KLHL29: variants seen among roughly 807,000 people sequenced by gnomAD.
The protein encoded by KLHL29 is kelch like family member 29, also known as kelch-like protein 29.
A neutral mutation model predicts 80.4 loss-of-function variants in KLHL29; 21 were observed. The observed-to-expected ratio is 0.26, with a 90% CI of 0.19 to 0.38. KLHL29 has a LOEUF of 0.38. KLHL29 is among the 10% of genes least tolerant of loss of function. The probability of loss-of-function intolerance (pLI) is 1.00; values close to 1 mark genes in which losing one functional copy is unlikely to be tolerated. For synonymous variants in KLHL29, 511 were observed against 526.8 expected (o/e 0.97, Z 0.41); for missense variants, 867 against 1,223.9 (o/e 0.71, Z 4.35).
intron 5 of KLHL29, among the ~76,000 whole-genome samples, chr2:23,656,656 C>T (rs558041953): frequency 1.3e-5 from 2 of 152,314 alleles, no homozygotes; most frequent in African/African-American, 4.8e-5. Flanking sequence ...GTCTGTGATG[C>T]CCGCTTAAGA....
intron 1 of KLHL29, among the ~76,000 whole-genome samples, chr2:23,407,936 A>G (rs542911536): frequency 1.3e-5 from 2 of 151,896 alleles, no homozygotes; most frequent in East Asian, 3.9e-4. Context: ...TTGTTTTGAG[A>G]CGGAGTTTCT....
intron 2 of KLHL29, among the ~76,000 whole-genome samples, chr2:23,519,000 G>A (rs889095791): frequency 6.6e-6 from 1 of 152,102 alleles, no homozygotes; most frequent in Non-Finnish European, 1.5e-5. Flanking sequence ...GCTGCTCTGT[G>A]GGCCTAGTGA....
chr2:23,659,707 G>T (rs1670351521), intron 5 of KLHL29, among the ~76,000 whole-genome samples: 1 of 152,060 alleles, frequency 6.6e-6, no homozygotes. Flanking sequence ...CAGGGCTAAA[G>T]AGCTCTGAGC....
chr2:23,437,126 G>A lies in KLHL29; in HGVS notation c.-153-38434G>A, dbSNP rs567548942. Among the ~76,000 whole-genome samples the A allele has an allele frequency of 2.6e-5, 4 of 152,308 alleles. No homozygotes were observed. In the South Asian group the frequency reaches 8.3e-4, roughly 32 times the overall value. On this transcript the variant is annotated intron_variant, in intron 1 of 13. Transcript: ENST00000486442. The stretch of plus-strand genomic sequence containing the variant: ...AGCCCGGGTTCAGCGGAATGTGTGG[G>A]CAAAGTGTACTAAGCAGGCCAAGTC...
At chr2:23,461,645 C>A (rs1350680280) in intron 1 of KLHL29, among the ~76,000 whole-genome samples, 1 of 151,652 alleles carries the variant, frequency 6.6e-6, no homozygotes, top group East Asian at 1.9e-4. Context: ...GACCCCTCTA[C>A]CTTGTATGAC....
chr2:23,501,975 G>A (rs116642696), intron 2 of KLHL29, among the ~76,000 whole-genome samples: 1 of 152,118 alleles, frequency 6.6e-6, no homozygotes, highest in Non-Finnish European at 1.5e-5. Context: ...AACATCACCT[G>A]CATTTTCAAA....
chr2:23,482,012 G>A (rs1417060842), intron 2 of KLHL29, among the ~76,000 whole-genome samples: 1 of 152,164 alleles, frequency 6.6e-6, no homozygotes, highest in East Asian at 1.9e-4. Context: ...GCGCCACCCA[G>A]TTCAGGATTG....
chr2:23,493,553 C>T (rs2103449720), intron 2 of KLHL29, among the ~76,000 whole-genome samples: 1 of 152,230 alleles, frequency 6.6e-6, no homozygotes, highest in African/African-American at 2.4e-5. Context: ...ACAGGTTTTG[C>T]AATCATCAAA....
chr2:23,577,097 C>T (rs982133602), intron 3 of KLHL29, among the ~76,000 whole-genome samples: 9 of 152,180 alleles, frequency 5.9e-5, no homozygotes, highest in African/African-American at 2.2e-4. Context: ...GCTTCACAGG[C>T]GGCCCCACTG....
chr2:23,517,058 G>A (rs758556151), intron 2 of KLHL29, among the ~76,000 whole-genome samples: 8 of 152,228 alleles, frequency 5.3e-5, no homozygotes, highest in African/African-American at 7.2e-5. Context: ...CAGCTGCTTC[G>A]TGGTGCGGAG....
chr2:23,440,810 A>G (rs1264852800), intron 1 of KLHL29, among the ~76,000 whole-genome samples: 1 of 152,192 alleles, frequency 6.6e-6, no homozygotes. Context: ...AATGGCAATC[A>G]TTAAAAAGTC....
rs1330932700 is a variant in KLHL29 at position 23,630,744 on chromosome 2, T to G, written c.286-8395T>G. Among the ~76,000 whole-genome samples, 3 of 152,134 alleles carry G rather than the reference T, an allele frequency of 2.0e-5. No individual in the cohort carries two copies. The East Asian group carries it at 5.8e-4, about 29-fold the overall frequency. ...CTCCAGTGATCCACCTGCCTCAGCC[T>G]CCCAAAGTACTGAGATTTCAGGCAT... On this transcript the variant is annotated intron_variant, in intron 3 of 13. Coordinates refer to ENST00000486442, the MANE Select transcript of KLHL29 (RefSeq NM_052920.2).
chr2:23,611,368 G>C (rs1237111305), intron 3 of KLHL29, among the ~76,000 whole-genome samples: 1 of 152,164 alleles, frequency 6.6e-6, no homozygotes, highest in Non-Finnish European at 1.5e-5. Context: ...AAGGGGGCCA[G>C]TGGGTTCCAG....
chr2:23,389,700 G>GC (rs1666270197), intron 1 of KLHL29, among the ~76,000 whole-genome samples: 1 of 140,446 alleles, frequency 7.1e-6, no homozygotes, highest in African/African-American at 2.9e-5. Flanking sequence ...AAAAAAAAAA[G>GC]GGGGGGGCGG....
At chr2:23,628,114 C>G (rs1669367666) in intron 3 of KLHL29, among the ~76,000 whole-genome samples, 1 of 151,930 alleles carries the variant, frequency 6.6e-6, no homozygotes, top group South Asian at 2.1e-4. Flanking sequence ...GGTTTGCCAT[C>G]TTGACCAGGC....
At chr2:23,568,010 A>G (rs1463106463) in intron 3 of KLHL29, among the ~76,000 whole-genome samples, 1 of 152,202 alleles carries the variant, frequency 6.6e-6, no homozygotes, top group Non-Finnish European at 1.5e-5. Flanking sequence ...GTATTCATTG[A>G]CTTACAACCC....
At chr2:23,461,241 C>T (rs759879417) in intron 1 of KLHL29, among the ~76,000 whole-genome samples, 65 of 152,314 alleles carry the variant, frequency 4.3e-4, no homozygotes, top group Middle Eastern at 3.4e-3. Context: ...GGGTAGCTTG[C>T]TTGACATTAC....
At chr2:23,639,600 C>G (rs573151532) in intron 4 of KLHL29, among the ~76,000 whole-genome samples, 7 of 152,294 alleles carry the variant, frequency 4.6e-5, no homozygotes, top group Admixed American at 1.3e-4. Flanking sequence ...ACAAATTTCT[C>G]GAGTCATGCC....
chr2:23,613,413 G>A (rs1572438497), intron 3 of KLHL29, among the ~76,000 whole-genome samples: 1 of 152,178 alleles, frequency 6.6e-6, no homozygotes, highest in East Asian at 1.9e-4. Flanking sequence ...AGCTACATCA[G>A]TATCACACAA....
Sources: allele counts gnomAD v4.1 joint callset (sites outside exome capture counted in the v4.1 genomes callset), GRCh38; gene constraint gnomAD v4.1.1; transcripts MANE v1.5; gene names NCBI Gene and HGNC (gene_info 2026-07-23, HGNC 2026-07-21).